FAM240B: variants seen among roughly 807,000 people sequenced by gnomAD.
The protein encoded by FAM240B is family with sequence similarity 240 member B.
intron 2 of FAM240B, among the ~76,000 whole-genome samples, chr9:38,699,733 A>G (rs1010141936): frequency 5.3e-5 from 8 of 152,218 alleles, no homozygotes; most frequent in Non-Finnish European, 1.0e-4. Context: ...TATGCTCCCA[A>G]AGCAAATGAT....
At chr9:38,694,992 T>C (rs1367614446) in intron 2 of FAM240B, 123 bp from the exon 3 acceptor site, 1 of 394,908 alleles carries the variant, frequency 2.5e-6, no homozygotes, top group African/African-American at 2.1e-5. Flanking sequence ...TGTGTTCCCC[T>C]CCCTGTGTCC....
At chr9:38,717,131 A>G (rs1223096714) in intron 1 of FAM240B, among the ~76,000 whole-genome samples, 1 of 152,172 alleles carries the variant, frequency 6.6e-6, no homozygotes, top group Non-Finnish European at 1.5e-5. Context: ...AGCAAAGAGC[A>G]GGGGGCTCCT....
Position 38,706,423 on chromosome 9 carries a change from C to G in FAM240B, c.-3-2421G>C, listed in dbSNP as rs187236742. Among the ~76,000 whole-genome samples, 179 of 152,298 alleles carry G rather than the reference C, an allele frequency of 1.2e-3. 3 individuals carry two copies. Among genetic ancestry groups the G allele is most frequent in the Middle Eastern group, 6.8e-3 (2 of 294 alleles). The stretch of plus-strand genomic sequence containing the variant: ...AGGTGCTCAGTGACCTTACCCTTTC[C>G]TGTGACTGATGGACGCTGGGGTGTT... On this transcript the variant is annotated intron_variant, in intron 1 of 2. Coordinates refer to ENST00000637493, the MANE Select transcript of FAM240B (RefSeq NM_001394922.1).
At chr9:38,698,816 T>A (rs1339376190) in intron 2 of FAM240B, among the ~76,000 whole-genome samples, 1 of 152,222 alleles carries the variant, frequency 6.6e-6, no homozygotes, top group Non-Finnish European at 1.5e-5. Flanking sequence ...CAGGCCTCCA[T>A]CTATCCAAAT....
rs557841077 is a variant in FAM240B, at chr9:38,718,942, T to G, written c.-4+1080A>C. Among the ~76,000 whole-genome samples, 6 of 152,340 alleles carry G rather than the reference T, an allele frequency of 3.9e-5. No homozygotes were observed. The East Asian group carries it at 1.2e-3, about 29-fold the overall frequency. ...AATTTCATTCACTTTTTTGAATAGT[T>G]ATTTTTTTTAAAAGAGTTTGGAAAA... is the stretch of plus-strand genomic sequence containing the variant. On this transcript the variant is annotated intron_variant, in intron 1 of 2. Coordinates refer to ENST00000637493, the MANE Select transcript of FAM240B (RefSeq NM_001394922.1).
chr9:38,698,302 T>C (rs1197806038), intron 2 of FAM240B, among the ~76,000 whole-genome samples: 1 of 152,262 alleles, frequency 6.6e-6, no homozygotes, highest in Non-Finnish European at 1.5e-5. Flanking sequence ...CTGAATTGGA[T>C]AGTAATCAAA....
At chr9:38,708,100 A>G (rs1037459797) in intron 1 of FAM240B, among the ~76,000 whole-genome samples, 1 of 152,160 alleles carries the variant, frequency 6.6e-6, no homozygotes, top group African/African-American at 2.4e-5. Flanking sequence ...CCAACACCAC[A>G]CTGGCCAAAG....
At chr9:38,714,882 A>C (rs917311130) in intron 1 of FAM240B, among the ~76,000 whole-genome samples, 1 of 152,254 alleles carries the variant, frequency 6.6e-6, no homozygotes, top group Non-Finnish European at 1.5e-5. Flanking sequence ...TGGAACAGGA[A>C]AAACAGACAA....
At chr9:38,701,385 A>T (rs1821125950) in intron 2 of FAM240B, among the ~76,000 whole-genome samples, 1 of 152,214 alleles carries the variant, frequency 6.6e-6, no homozygotes. Context: ...CTAATTTAAA[A>T]ATTCTAGATT....
chr9:38,719,721 A>G (rs1291790843), intron 1 of FAM240B, among the ~76,000 whole-genome samples: 5 of 152,226 alleles, frequency 3.3e-5, no homozygotes, highest in Non-Finnish European at 7.3e-5. Flanking sequence ...ATTTTGGTTA[A>G]TCTCCAAAAA....
chr9:38,703,403 G>T (rs1488010609), intron 2 of FAM240B, among the ~76,000 whole-genome samples: 1 of 152,148 alleles, frequency 6.6e-6, no homozygotes, highest in Non-Finnish European at 1.5e-5. Context: ...TGATTATCCT[G>T]GGGCCAGGAA....
At chr9:38,697,244 T>C (rs377292255) in intron 2 of FAM240B, among the ~76,000 whole-genome samples, 5 of 152,336 alleles carry the variant, frequency 3.3e-5, no homozygotes, top group East Asian at 1.9e-4. Context: ...TTTCCCTTTG[T>C]ATTTGCCTCA....
chr9:38,718,295 T>C (rs552993163), intron 1 of FAM240B, among the ~76,000 whole-genome samples: 1 of 152,356 alleles, frequency 6.6e-6, no homozygotes, highest in African/African-American at 2.4e-5. Flanking sequence ...GAAGTATAAT[T>C]GCAGGTCAAA....
chr9:38,704,158 G>C (rs1419327117), intron 1 of FAM240B, among the ~76,000 whole-genome samples, 156 bp from the exon 2 acceptor site: 4 of 136,020 alleles, frequency 2.9e-5, no homozygotes, highest in Non-Finnish European at 6.2e-5. Context: ...CTTGTATTCT[G>C]AGTCTGTTTC....
intron 2 of FAM240B, among the ~76,000 whole-genome samples, chr9:38,699,839 C>A (rs915508642): frequency 1.3e-5 from 2 of 152,262 alleles, no homozygotes; most frequent in Non-Finnish European, 2.9e-5. Context: ...TTAGAGTTGA[C>A]TGAATTCTTG....
chr9:38,708,248 C>A (rs757927492), intron 1 of FAM240B, among the ~76,000 whole-genome samples: 2 of 152,208 alleles, frequency 1.3e-5, no homozygotes, highest in Non-Finnish European at 2.9e-5. Context: ...GCTCTCGCTG[C>A]AGGGCACCCT....
At chr9:38,695,049 T>C (rs1237262850) in intron 2 of FAM240B, among the ~76,000 whole-genome samples, 180 bp from the exon 3 acceptor site, 3 of 152,202 alleles carry the variant, frequency 2.0e-5, no homozygotes, top group African/African-American at 4.8e-5. Flanking sequence ...GAACATGTGG[T>C]GTTTGGTTTT....
At chr9:38,704,086 T>C (rs1328809334) in intron 1 of FAM240B, 84 bp from the exon 2 acceptor site, 3 of 395,340 alleles carry the variant, frequency 7.6e-6, no homozygotes, top group Non-Finnish European at 1.3e-5. Flanking sequence ...AGCTTGCATG[T>C]AGACACTGCC....
chr9:38,720,040 G>GAT lies in FAM240B; in HGVS notation c.-23_-22insAT, dbSNP rs1457164341. The GAT allele has an allele frequency of 9.2e-6, 1 of 108,292 alleles. No homozygotes were observed. The highest frequency in any genetic ancestry group is 2.0e-5 in the Non-Finnish European group (1 of 49,184). 6.7% of individuals were successfully genotyped at this position (108,292 alleles called of 1,614,324 possible). A position where few individuals can be genotyped will look rare whatever the true frequency, so the allele number is the denominator to read the frequency against. ...ACTGTACCTTAAAGATGAATTTGCA[G>GAT]GTGATACCCGGCTAGGGTGCAAAGG... On this transcript the variant is annotated 5_prime_UTR_variant, in exon 1 of 3. Transcript: ENST00000637493.
Sources: allele counts gnomAD v4.1 joint callset (sites outside exome capture counted in the v4.1 genomes callset), GRCh38; gene constraint gnomAD v4.1.1; transcripts MANE v1.5; gene names NCBI Gene and HGNC (gene_info 2026-07-23, HGNC 2026-07-21).